The following LDLRAD4 variants were observed in gnomAD, a reference collection of about 807,000 sequenced individuals.
The protein encoded by LDLRAD4 is low density lipoprotein receptor class A domain containing 4.
LDLRAD4 carries 5 observed loss-of-function variants against 17.0 expected under a neutral mutation model. That is an observed-to-expected ratio of 0.29 (90% CI 0.15 to 0.62). The LOEUF is 0.62. Among genes scored for constraint, LDLRAD4 ranks in the 20% least tolerant of loss-of-function variants. The pLI, the probability that LDLRAD4 is intolerant of heterozygous loss-of-function variation, is 0.84. For missense variants in LDLRAD4, 340 were observed against 424.7 expected (o/e 0.80, Z 1.75); for synonymous variants, 168 against 171.8 (o/e 0.98, Z 0.17).
chr18:13,593,169 C>G (rs927446760), intron 3 of LDLRAD4, among the ~76,000 whole-genome samples: 2 of 152,068 alleles, frequency 1.3e-5, no homozygotes, highest in Non-Finnish European at 2.9e-5. Flanking sequence ...ATAAATTAGC[C>G]GGACATGGTG....
chr18:13,276,321 A>T (rs1366882873), upstream of LDLRAD4, among the ~76,000 whole-genome samples: 1 of 152,182 alleles, frequency 6.6e-6, no homozygotes, highest in Non-Finnish European at 1.5e-5. Context: ...TTACTAAGTT[A>T]CATTTATCAG....
At chr18:13,369,363 C>T (rs1407571712) in intron 1 of LDLRAD4, among the ~76,000 whole-genome samples, 3 of 152,186 alleles carry the variant, frequency 2.0e-5, no homozygotes, top group Non-Finnish European at 2.9e-5. Flanking sequence ...GTCAGGCGCT[C>T]TGTAAGAGGG....
chr18:13,364,632 A>G (rs1366993063), intron 1 of LDLRAD4, among the ~76,000 whole-genome samples: 1 of 152,174 alleles, frequency 6.6e-6, no homozygotes, highest in African/African-American at 2.4e-5. Context: ...GCGAGCTGCC[A>G]CACCCAGCTC....
In LDLRAD4 at chr18:13,481,680, G is replaced by A. The variant is rs755225217; in HGVS notation, c.181+43296G>A. On this transcript the variant is annotated intron_variant, in intron 3 of 5. Coordinates refer to ENST00000359446, the Ensembl canonical transcript of LDLRAD4. The stretch of plus-strand genomic sequence containing the variant: ...TCATGTATTCATTCATTCAACAGGC[G>A]TTTATCAAGTGCCTGCTCTTAGGCA... Among the ~76,000 whole-genome samples the A allele has an allele frequency of 2.6e-4, 38 of 148,800 alleles. No individual in the cohort carries two copies. The East Asian group carries it at 2.6e-3, about 10-fold the overall frequency.
intron 3 of LDLRAD4, among the ~76,000 whole-genome samples, chr18:13,619,515 C>CGGGGG (rs71366065): frequency 3.1e-4 from 15 of 47,830 alleles, no homozygotes; most frequent in African/African-American, 1.4e-3. Flanking sequence ...GGGGTGGGGC[C>CGGGGG]GGGGGGGGGC....
intron 2 of LDLRAD4, among the ~76,000 whole-genome samples, chr18:13,405,816 GTCCTGC>G (rs1262062253): frequency 6.6e-6 from 1 of 152,128 alleles, no homozygotes; most frequent in African/African-American, 2.4e-5. Context: ...GCAGGGCCCT[GTCCTGC>G]TCTGAGCTGA....
chr18:13,366,566 A>G (rs2084070603), intron 1 of LDLRAD4, among the ~76,000 whole-genome samples: 1 of 152,212 alleles, frequency 6.6e-6, no homozygotes, highest in Non-Finnish European at 1.5e-5. Flanking sequence ...AGGGTCTGGA[A>G]TGTATTGATT....
rs1021370588 is a variant in LDLRAD4 at position 13,480,353 on chromosome 18, A to C, written c.181+41969A>C. On this transcript the variant is annotated intron_variant, in intron 3 of 5. Transcript: ENST00000359446. ...TACAGTGTGAGTCCAACTGTGTGACATTCTGGAATAGGCAAAACTGTAGAG... is the reference window on the plus strand; with the variant it reads ...TACAGTGTGAGTCCAACTGTGTGACCTTCTGGAATAGGCAAAACTGTAGAG... 2.0e-5 allele frequency among the ~76,000 whole-genome samples: 3 copies of C among 152,236 alleles called. No individual in the cohort carries two copies. The South Asian group carries it at 6.2e-4, about 32-fold the overall frequency.
Position 13,645,759 on chromosome 18 carries a change from T to TAA in LDLRAD4, c.*103_*104dup. On this transcript the variant is annotated 3_prime_UTR_variant, in exon 6 of 6. Transcript: ENST00000359446. The surrounding 1 kb of genome is among the most constrained non-coding windows in gnomAD (Gnocchi z 5.7). ...GTTGTTCAGTTTCACATGGTACAAATAAGTAAAACCAAATGAGCAAACACG... is the reference window on the plus strand; with the variant it reads ...GTTGTTCAGTTTCACATGGTACAAATAAAAGTAAAACCAAATGAGCAAACACG... The TAA allele has an allele frequency of 1.2e-6, 1 of 863,234 alleles. No homozygotes were observed. Among genetic ancestry groups the TAA allele is most frequent in the South Asian group, 3.0e-5 (1 of 32,992 alleles). The allele number at this position is 863,234 out of a possible 1,614,324, so 53.5% of individuals were successfully genotyped here. A position where few individuals can be genotyped will look rare whatever the true frequency, so the allele number is the denominator to read the frequency against.
intron 1 of LDLRAD4, among the ~76,000 whole-genome samples, chr18:13,352,834 ATTCT>A (rs2083125234): frequency 6.6e-6 from 1 of 151,758 alleles, no homozygotes; most frequent in Non-Finnish European, 1.5e-5. Flanking sequence ...AGATTTTCTT[ATTCT>A]TTCTTTTACC....
chr18:13,372,229 CT>C (rs1484919697), intron 1 of LDLRAD4, among the ~76,000 whole-genome samples: 1 of 152,234 alleles, frequency 6.6e-6, no homozygotes, highest in Non-Finnish European at 1.5e-5. Flanking sequence ...AGCCACACCC[CT>C]GTGCACCTGT....
At chr18:13,515,192 G>T (rs1358974870) in intron 3 of LDLRAD4, 3 of 152,238 alleles carry the variant, frequency 2.0e-5, no homozygotes, top group African/African-American at 7.2e-5. Flanking sequence ...CCTTCCTTGT[G>T]CACAACACTG....
At chr18:13,518,840 G>C (rs2093910275) in intron 3 of LDLRAD4, among the ~76,000 whole-genome samples, 1 of 152,100 alleles carries the variant, frequency 6.6e-6, no homozygotes, top group Non-Finnish European at 1.5e-5. Flanking sequence ...CATTCTCATG[G>C]GTGGAGATAG....
intron 3 of LDLRAD4, among the ~76,000 whole-genome samples, chr18:13,540,118 A>C (rs1191790865): frequency 6.6e-6 from 1 of 152,252 alleles, no homozygotes; most frequent in Non-Finnish European, 1.5e-5. Flanking sequence ...GATGCCAGGG[A>C]GGTTGAGTAA....
At chr18:13,423,960 C>A (rs2089708955) in intron 2 of LDLRAD4, among the ~76,000 whole-genome samples, 1 of 152,002 alleles carries the variant, frequency 6.6e-6, no homozygotes, top group African/African-American at 2.4e-5. Flanking sequence ...TATGATGAAA[C>A]CCTGTCTCTA....
At chr18:13,343,389 A>G (rs909885124) in intron 1 of LDLRAD4, among the ~76,000 whole-genome samples, 3 of 151,870 alleles carry the variant, frequency 2.0e-5, no homozygotes, top group South Asian at 2.1e-4. Context: ...AGCTTCATCC[A>G]TGTCCCTACA....
At chr18:13,411,576 T>C (rs2088365857) in intron 2 of LDLRAD4, among the ~76,000 whole-genome samples, 2 of 152,148 alleles carry the variant, frequency 1.3e-5, no homozygotes, top group South Asian at 4.2e-4. Context: ...ATAAGTCTCA[T>C]GTGATCTGAT....
rs1174733838 is a variant in LDLRAD4, at chr18:13,367,690, G to A, written c.-382-19651G>A. On this transcript the variant is annotated intron_variant, in intron 1 of 5. Transcript: ENST00000359446. The surrounding 1 kb of genome is among the most constrained non-coding windows in gnomAD (Gnocchi z 4.1). ...GTGCCGAGAGGGGACAGCCGGGCAC[G>A]GGGGCACACGTTGTCAAGGGATATA... 6.6e-6 allele frequency among the ~76,000 whole-genome samples: 1 copy of A among 152,022 alleles called. No individual in the cohort carries two copies. The highest frequency in any genetic ancestry group is 1.9e-4 in the East Asian group (1 of 5,166).
intron 3 of LDLRAD4, among the ~76,000 whole-genome samples, chr18:13,571,827 G>A (rs1475479840): frequency 6.6e-6 from 1 of 152,090 alleles, no homozygotes; most frequent in Admixed American, 6.6e-5. Flanking sequence ...TAGTAGAGAC[G>A]AGGTTTCACC....
Sources: gnomAD v4.1 joint callset for allele counts (sites outside exome capture counted in the v4.1 genomes callset) on GRCh38, gnomAD v4.1.1 for gene constraint, Gnocchi (gnomAD v3.1) non-coding constraint, MANE v1.5 for transcripts, NCBI Gene and HGNC (gene_info 2026-07-23, HGNC 2026-07-21) for gene names.